The following TMEM132B variants were observed in gnomAD, a reference collection of about 807,000 sequenced individuals.
The protein encoded by TMEM132B is transmembrane protein 132B.
Under a neutral mutation model 90.8 loss-of-function variants are expected in TMEM132B, and 18 were observed. The observed-to-expected ratio is 0.20, with a 90% CI of 0.14 to 0.29. The LOEUF (loss-of-function observed/expected upper bound fraction) is 0.29. Ranked by LOEUF, TMEM132B falls within the 10% of genes least tolerant of loss-of-function variation. The pLI, the probability that TMEM132B is intolerant of heterozygous loss-of-function variation, is 1.00. For missense variants in TMEM132B, 1,096 were observed against 1,326.8 expected (o/e 0.83, Z 2.70); for synonymous variants, 504 against 523.3 (o/e 0.96, Z 0.50).
chr12:125,402,454 G>A (rs565748671), intron 2 of TMEM132B, among the ~76,000 whole-genome samples: 6 of 152,306 alleles, frequency 3.9e-5, no homozygotes, highest in African/African-American at 9.6e-5. Context: ...TGGGATTACC[G>A]GCATGAATCA....
intron 1 of TMEM132B, among the ~76,000 whole-genome samples, chr12:125,269,613 G>A (rs764402903): frequency 9.2e-5 from 14 of 152,136 alleles, no homozygotes; most frequent in Non-Finnish European, 1.6e-4. Context: ...AAATCCTGGT[G>A]TCCGGGGATC....
chr12:125,448,177 T>A (rs1424871225), intron 3 of TMEM132B, among the ~76,000 whole-genome samples: 1 of 152,042 alleles, frequency 6.6e-6, no homozygotes, highest in Non-Finnish European at 1.5e-5. Flanking sequence ...GACAGGAGAA[T>A]TGCTTGAACC....
At chr12:125,390,206 A>G (rs1435739599) in intron 2 of TMEM132B, among the ~76,000 whole-genome samples, 1 of 152,256 alleles carries the variant, frequency 6.6e-6, no homozygotes. Flanking sequence ...TAGTGGCATT[A>G]TTTATAAAGG....
At chr12:125,629,352 C>T (rs1166680743) in intron 5 of TMEM132B, among the ~76,000 whole-genome samples, 2 of 151,958 alleles carry the variant, frequency 1.3e-5, no homozygotes, top group East Asian at 1.9e-4. Context: ...GTATAGAGAT[C>T]GTTTACTTCT....
intron 1 of TMEM132B, among the ~76,000 whole-genome samples, chr12:125,234,825 A>G (rs1040374253): frequency 1.3e-5 from 2 of 152,084 alleles, no homozygotes; most frequent in Non-Finnish European, 2.9e-5. Context: ...TCTATCCCCT[A>G]TCTCTTTGTT....
rs189839913 is a variant in TMEM132B, at chr12:125,581,029, A to T, written c.1294-2822A>T. The stretch of plus-strand genomic sequence containing the variant: ...GAGAGACTGTTGATGGAAACAGGAT[A>T]AAAAAGGTATGAAAATCTCAGCTAC... On this transcript the variant is annotated intron_variant, in intron 4 of 8. Transcript: ENST00000682704. Among the ~76,000 whole-genome samples, 100 of 152,336 alleles carry T rather than the reference A, an allele frequency of 6.6e-4. 1 individual carries two copies. The highest frequency in any genetic ancestry group is 3.4e-3 in the Middle Eastern group (1 of 294).
intron 1 of TMEM132B, among the ~76,000 whole-genome samples, chr12:125,339,027 A>T (rs746953822): frequency 1.3e-5 from 2 of 152,168 alleles, no homozygotes; most frequent in Non-Finnish European, 2.9e-5. Flanking sequence ...AAAGGCATCC[A>T]CACTCTCAAT....
intron 3 of TMEM132B, among the ~76,000 whole-genome samples, chr12:125,487,234 T>C (rs1342229412): frequency 6.6e-6 from 1 of 152,242 alleles, no homozygotes; most frequent in Non-Finnish European, 1.5e-5. Context: ...ATGAAGGCTG[T>C]CTTGGAAAAT....
intron 4 of TMEM132B, among the ~76,000 whole-genome samples, chr12:125,565,551 G>A (rs1321611070): frequency 6.6e-6 from 1 of 152,198 alleles, no homozygotes; most frequent in Non-Finnish European, 1.5e-5. Flanking sequence ...GGACTTGAAG[G>A]GTGAATGTGA....
intron 1 of TMEM132B, among the ~76,000 whole-genome samples, chr12:125,292,468 A>G (rs1002535785): frequency 5.3e-5 from 8 of 152,274 alleles, no homozygotes; most frequent in Non-Finnish European, 8.8e-5. Context: ...TAAGGACTAG[A>G]AAGTGACTAT....
chr12:125,615,924 AG>A, intron 5 of TMEM132B, among the ~76,000 whole-genome samples: 1 of 152,212 alleles, frequency 6.6e-6, no homozygotes, highest in Non-Finnish European at 1.5e-5. Flanking sequence ...AAGAATTCAA[AG>A]AAATAGCTTA....
intron 4 of TMEM132B, among the ~76,000 whole-genome samples, chr12:125,578,453 A>G (rs748050179): frequency 1.3e-5 from 2 of 152,202 alleles, no homozygotes; most frequent in African/African-American, 2.4e-5. Context: ...TCCTTTAAAT[A>G]AGATAGAAGA....
Position 125,350,330 on chromosome 12 carries a change from C to G in TMEM132B, c.946C>G (p.Gln316Glu). 1 of 1,612,468 alleles carries G rather than the reference C, an allele frequency of 6.2e-7. No homozygotes were observed. Among genetic ancestry groups the G allele is most frequent in the Non-Finnish European group, 8.5e-7 (1 of 1,179,562 alleles). The change falls in exon 2 of 9, where the codon CAG becomes GAG. Residue 316 changes from glutamine to glutamate, a missense_variant. By Grantham distance (29) the Gln-to-Glu change is conservative. Transcript: ENST00000682704. ...TCTGACCAGTAGCTCTGTGGCAGAC[C>G]AGTTCACTCTTAGGTAAGAGGCTTT... ...VSLTSSSVAD[Q>E]FTLRIKAAAG...
At chr12:125,336,595 C>T in intron 1 of TMEM132B, among the ~76,000 whole-genome samples, 1 of 152,220 alleles carries the variant, frequency 6.6e-6, no homozygotes, top group East Asian at 1.9e-4. Flanking sequence ...AGAAACAAGT[C>T]TGAATCAGTG....
intron 4 of TMEM132B, among the ~76,000 whole-genome samples, chr12:125,521,881 T>C (rs1253850520): frequency 1.3e-5 from 2 of 152,198 alleles, no homozygotes; most frequent in Admixed American, 6.5e-5. Context: ...TCTTCAGGGC[T>C]CAACACTGCT....
intron 3 of TMEM132B, among the ~76,000 whole-genome samples, chr12:125,515,399 AAAT>A (rs1883103525): frequency 1.5e-5 from 1 of 68,288 alleles, no homozygotes; most frequent in Non-Finnish European, 2.9e-5. Context: ...ATTCTCTCAC[AAAT>A]ACATTCAAAC....
At position 125,251,117 on chromosome 12, in the gene TMEM132B, G is replaced by A. The variant is rs1467888769; in HGVS notation, c.67+64251G>A. Among the ~76,000 whole-genome samples the A allele has an allele frequency of 6.6e-6, 1 of 152,190 alleles. No homozygotes were observed. The highest frequency in any genetic ancestry group is 2.4e-5 in the African/African-American group (1 of 41,442). On this transcript the variant is annotated intron_variant, in intron 1 of 8. Coordinates refer to ENST00000682704, the MANE Select transcript of TMEM132B (RefSeq NM_001366854.1). This position sits in a 1 kb window ranked among gnomAD's most constrained non-coding sequence, Gnocchi z 4.4. The stretch of plus-strand genomic sequence containing the variant: ...GGCATCCCCTTTGATTTCTTCAGTA[G>A]GACATCATCCTTCAATAGGGCAGAG...
At chr12:125,214,093 C>A (rs1253012745) in intron 1 of TMEM132B, among the ~76,000 whole-genome samples, 1 of 152,134 alleles carries the variant, frequency 6.6e-6, no homozygotes, top group Non-Finnish European at 1.5e-5. Context: ...AGGTCTGAAT[C>A]GGGAGCAGGA....
intron 1 of TMEM132B, among the ~76,000 whole-genome samples, chr12:125,300,617 A>G (rs1481059822): frequency 6.6e-6 from 1 of 152,230 alleles, no homozygotes; most frequent in African/African-American, 2.4e-5. Flanking sequence ...GTATACCAGG[A>G]CCTGTTCTGA....
Sources: gnomAD v4.1 joint callset for allele counts (sites outside exome capture counted in the v4.1 genomes callset) on GRCh38, gnomAD v4.1.1 for gene constraint, Gnocchi (gnomAD v3.1) non-coding constraint, MANE v1.5 for transcripts, NCBI Gene and HGNC (gene_info 2026-07-23, HGNC 2026-07-21) for gene names.